The following RBFOX1 variants were observed in gnomAD, a reference collection of about 807,000 sequenced individuals.
RBFOX1 encodes RNA binding protein fox-1 homolog 1.
RBFOX1 carries 8 observed loss-of-function variants against 57.7 expected under a neutral mutation model. The ratio of observed to expected loss-of-function variants is 0.14; its 90% CI spans 0.08 to 0.25. The LOEUF is 0.25. RBFOX1 is among the 10% of genes least tolerant of loss of function. The pLI is 1.00. For synonymous variants in RBFOX1, 326 were observed against 222.4 expected, an observed-to-expected ratio of 1.47 and a Z score of -4.15; for missense variants, 611 against 548.5, an observed-to-expected ratio of 1.11 and a Z score of -1.14.
chr16:7,221,932 G>A (rs2092761547), intron 4 of RBFOX1, among the ~76,000 whole-genome samples: 1 of 152,188 alleles, frequency 6.6e-6, no homozygotes, highest in Non-Finnish European at 1.5e-5. Context: ...AGAAAATGAT[G>A]AAATGCAGAA....
At chr16:6,561,911 T>C (rs2097184080) in intron 2 of RBFOX1, among the ~76,000 whole-genome samples, 1 of 152,184 alleles carries the variant, frequency 6.6e-6, no homozygotes, top group Non-Finnish European at 1.5e-5. Flanking sequence ...CTAATGAGTA[T>C]GTATCACTCT....
At chr16:7,140,190 CTCT>C (rs2073347527) in intron 4 of RBFOX1, among the ~76,000 whole-genome samples, 3 of 145,734 alleles carry the variant, frequency 2.1e-5, no homozygotes, top group African/African-American at 7.6e-5. Context: ...CTCTCTCTCT[CTCT>C]CCCTCCTTCT....
At chr16:7,426,710 A>T (rs2098618427) in intron 4 of RBFOX1, among the ~76,000 whole-genome samples, 1 of 152,152 alleles carries the variant, frequency 6.6e-6, no homozygotes, top group Non-Finnish European at 1.5e-5. Context: ...GTCCTGTGGA[A>T]GGTCCTGAGA....
intron 4 of RBFOX1, among the ~76,000 whole-genome samples, chr16:7,164,903 G>C (rs1056426541): frequency 9.2e-5 from 14 of 152,292 alleles, no homozygotes; most frequent in Middle Eastern, 3.4e-3. Flanking sequence ...TGAATTGTTT[G>C]CTTCTTGAAT....
chr16:7,094,025 G>GGTT (rs2061296386), intron 4 of RBFOX1, among the ~76,000 whole-genome samples: 1 of 151,000 alleles, frequency 6.6e-6, no homozygotes, highest in East Asian at 1.9e-4. Flanking sequence ...TTTAAACATA[G>GGTT]TAATTGGTCA....
intron 2 of RBFOX1, among the ~76,000 whole-genome samples, chr16:6,438,992 G>C (rs914779490): frequency 1.3e-5 from 2 of 152,212 alleles, no homozygotes; most frequent in Admixed American, 1.3e-4. Context: ...TTGAAGTTCT[G>C]CACCCTTAGA....
At chr16:6,015,722 A>G (rs547566419), upstream of RBFOX1, among the ~76,000 whole-genome samples, 43 of 152,272 alleles carry the variant, frequency 2.8e-4, 1 homozygote, top group Admixed American at 7.2e-4. Context: ...TGGAATTCCT[A>G]TTTATCTTCT....
intron 3 of RBFOX1, among the ~76,000 whole-genome samples, chr16:5,723,168 T>C (rs1233483681): frequency 6.6e-6 from 1 of 152,188 alleles, no homozygotes; most frequent in Admixed American, 6.5e-5. Flanking sequence ...CTTGAGTGTA[T>C]GCATCTGTAA....
At chr16:6,900,131 A>G (rs562969053) in intron 3 of RBFOX1, among the ~76,000 whole-genome samples, 37 of 151,076 alleles carry the variant, frequency 2.4e-4, no homozygotes, top group Non-Finnish European at 4.1e-4. Context: ...GTTTTTCTTT[A>G]GTTATTGCTG....
chr16:7,521,943 C>T (rs2152267911), intron 5 of RBFOX1, among the ~76,000 whole-genome samples: 1 of 152,288 alleles, frequency 6.6e-6, no homozygotes, highest in Non-Finnish European at 1.5e-5. Flanking sequence ...CTCTGTCCTG[C>T]AAGTTCAGGC....
chr16:5,500,093 C>G, intron 2 of RBFOX1, among the ~76,000 whole-genome samples: 1 of 150,352 alleles, frequency 6.7e-6, no homozygotes, highest in Non-Finnish European at 1.5e-5. Flanking sequence ...TGCCTTCCCT[C>G]CATTCCCTCC....
At chr16:5,651,674 C>T (rs555101655) in intron 3 of RBFOX1, among the ~76,000 whole-genome samples, 12 of 152,264 alleles carry the variant, frequency 7.9e-5, no homozygotes, top group South Asian at 4.2e-4. Flanking sequence ...GTGAGTGAGC[C>T]GTTTCAGTCT....
chr16:6,851,214 G>C (rs1009167378), intron 3 of RBFOX1, among the ~76,000 whole-genome samples: 1 of 152,138 alleles, frequency 6.6e-6, no homozygotes, highest in Non-Finnish European at 1.5e-5. Flanking sequence ...CGTGTATGTA[G>C]CATTCTTGAG....
intron 2 of RBFOX1, among the ~76,000 whole-genome samples, chr16:6,628,882 T>A (rs971917559): frequency 2.0e-5 from 3 of 152,068 alleles, no homozygotes; most frequent in African/African-American, 7.2e-5. Context: ...TACAAAAAAT[T>A]AGCCAGGTGT....
chr16:7,416,017 TCTC>T (rs1429518136), intron 4 of RBFOX1, among the ~76,000 whole-genome samples: 1 of 152,156 alleles, frequency 6.6e-6, no homozygotes, highest in East Asian at 1.9e-4. Flanking sequence ...GCAGAGATGA[TCTC>T]CTCTTTGACA....
intron 4 of RBFOX1, among the ~76,000 whole-genome samples, chr16:5,997,966 C>T (rs1373199450): frequency 1.3e-5 from 2 of 152,088 alleles, no homozygotes; most frequent in Non-Finnish European, 2.9e-5. Flanking sequence ...GGCTGTTATT[C>T]CCACATAGGA....
intron 1 of RBFOX1, among the ~76,000 whole-genome samples, chr16:5,403,176 C>T (rs939022652): frequency 8.6e-5 from 13 of 151,872 alleles, no homozygotes; most frequent in African/African-American, 3.1e-4. Context: ...CATGGAGAAA[C>T]CCCATCTCTA....
At chr16:6,658,927 GGTTTTTTT>G (rs1302505129) in intron 3 of RBFOX1, among the ~76,000 whole-genome samples, 5 of 124,888 alleles carry the variant, frequency 4.0e-5, no homozygotes, top group Admixed American at 7.6e-5. Context: ...TTTGTTTTTT[GGTTTTTTT>G]GTTTTTTTTG....
chr16:5,601,119 C>A (rs1325863250), downstream of RBFOX1: 3 of 152,224 alleles, frequency 2.0e-5, no homozygotes, highest in South Asian at 2.1e-4. Flanking sequence ...TTGCCCGTGA[C>A]AGTTACACTG....
Sources: gnomAD v4.1 joint callset for allele counts (sites outside exome capture counted in the v4.1 genomes callset) on GRCh38, gnomAD v4.1.1 for gene constraint, MANE v1.5 for transcripts, NCBI Gene and HGNC (gene_info 2026-07-23, HGNC 2026-07-21) for gene names.